The following FKBP5 variants were observed in gnomAD, a reference collection of about 807,000 sequenced individuals.
The protein encoded by FKBP5 is peptidyl-prolyl cis-trans isomerase FKBP5.
A neutral mutation model predicts 50.5 loss-of-function variants in FKBP5; 23 were observed. That is an observed-to-expected ratio of 0.46 (90% confidence interval 0.33 to 0.65). The LOEUF (loss-of-function observed/expected upper bound fraction) is 0.65. Ranked by LOEUF, FKBP5 falls within the 30% of genes least tolerant of loss-of-function variation. FKBP5 has a pLI of 0.02. For synonymous variants in FKBP5, 176 were observed against 190.6 expected (o/e 0.92, Z 0.63); for missense variants, 411 against 553.1 (o/e 0.74, Z 2.58).
At chr6:35,611,469 A>G (rs1328520241) in intron 5 of FKBP5, among the ~76,000 whole-genome samples, 1 of 152,186 alleles carries the variant, frequency 6.6e-6, no homozygotes, top group African/African-American at 2.4e-5. Context: ...TCCAACCACT[A>G]AAGTTGACAA....
intron 1 of FKBP5, among the ~76,000 whole-genome samples, chr6:35,678,255 G>A (rs1765576398): frequency 6.6e-6 from 1 of 152,038 alleles, no homozygotes; most frequent in South Asian, 2.1e-4. Context: ...GTGGGGAGGG[G>A]TCATGTTGGT....
Position 35,598,999 on chromosome 6 carries a change from T to TA in FKBP5, c.509-1596dup, listed in dbSNP as rs201053009. ...CAAAATAAATAAAAAAATAAATAAA[T>TA]AAAAATAAAAAAGAAAGAAAATCCT... On this transcript the variant is annotated intron_variant, in intron 5 of 10. Coordinates refer to ENST00000357266, the MANE Select transcript of FKBP5 (RefSeq NM_004117.4). 7.4e-3 allele frequency among the ~76,000 whole-genome samples: 1,123 copies of TA among 151,336 alleles called. 12 individuals carry two copies. Among genetic ancestry groups the TA allele is most frequent in the African/African-American group, 0.024 (970 of 41,014 alleles).
intron 1 of FKBP5, among the ~76,000 whole-genome samples, chr6:35,684,781 CT>C: frequency 6.6e-6 from 1 of 152,308 alleles, no homozygotes; most frequent in South Asian, 2.1e-4. Flanking sequence ...AATCCCAGCA[CT>C]TTGGGAGGCC....
intron 3 of FKBP5, among the ~76,000 whole-genome samples, chr6:35,631,557 T>G (rs985227016): frequency 6.6e-6 from 1 of 152,220 alleles, no homozygotes; most frequent in Admixed American, 6.5e-5. Flanking sequence ...GGGTAAACTT[T>G]ATTATACGTA....
chr6:35,642,137 A>G (rs908540450), intron 2 of FKBP5, among the ~76,000 whole-genome samples: 16 of 152,202 alleles, frequency 1.1e-4, no homozygotes, highest in Admixed American at 3.3e-4. Context: ...ACATTAAAAT[A>G]GTAACCTATT....
chr6:35,719,866 G>A (rs936890781), intron 2 of FKBP5, among the ~76,000 whole-genome samples: 6 of 152,234 alleles, frequency 3.9e-5, no homozygotes, highest in Non-Finnish European at 5.9e-5. Flanking sequence ...CTGGGAGGGG[G>A]GTTTCCGTAC....
chr6:35,600,254 A>G (rs965662276), intron 5 of FKBP5, among the ~76,000 whole-genome samples: 18 of 152,070 alleles, frequency 1.2e-4, no homozygotes, highest in African/African-American at 4.1e-4. Context: ...GAGGCTTAAG[A>G]TATTTTTACT....
intron 8 of FKBP5, chr6:35,581,609 AAAC>A: frequency 2.0e-6 from 2 of 985,352 alleles, no homozygotes; most frequent in Non-Finnish European, 2.4e-6. Context: ...AAACAAAACA[AAAC>A]AAAACAAAAC....
intron 1 of FKBP5, among the ~76,000 whole-genome samples, chr6:35,645,164 C>T (rs1764596764): frequency 6.6e-6 from 1 of 152,194 alleles, no homozygotes; most frequent in Admixed American, 6.5e-5. Flanking sequence ...CACCTATGTG[C>T]TATCCCTATC....
At chr6:35,705,867 TG>T (rs1766304301) in intron 2 of FKBP5, among the ~76,000 whole-genome samples, 1 of 152,204 alleles carries the variant, frequency 6.6e-6, no homozygotes, top group South Asian at 2.1e-4. Flanking sequence ...CCCAACACTT[TG>T]GGAGGCCCAG....
intron 5 of FKBP5, chr6:35,607,979 G>T: frequency 6.8e-6 from 1 of 147,404 alleles, no homozygotes; most frequent in Non-Finnish European, 1.5e-5. Context: ...TAGCTTGACA[G>T]ACTTGAAATA....
At chr6:35,588,556 G>T (rs1297436674) in intron 7 of FKBP5, among the ~76,000 whole-genome samples, 1 of 151,808 alleles carries the variant, frequency 6.6e-6, no homozygotes, top group Non-Finnish European at 1.5e-5. Flanking sequence ...TTCTAAGACA[G>T]GATCTTGCTC....
At chr6:35,657,890 G>T (rs1324191526) in intron 1 of FKBP5, among the ~76,000 whole-genome samples, 2 of 151,986 alleles carry the variant, frequency 1.3e-5, no homozygotes, top group Non-Finnish European at 2.9e-5. Flanking sequence ...AATACATTCA[G>T]AAATTTAGAA....
chr6:35,645,883 G>C (rs967818728), intron 1 of FKBP5, among the ~76,000 whole-genome samples: 2 of 152,210 alleles, frequency 1.3e-5, no homozygotes, highest in Non-Finnish European at 2.9e-5. Flanking sequence ...GGGAGGCTGA[G>C]GCGGGTGGGA....
rs866956169 is a variant in FKBP5 at position 35,649,267 on chromosome 6, A to C, written c.-19-6424T>G. On this transcript the variant is annotated intron_variant, in intron 1 of 10. Coordinates refer to ENST00000357266, the MANE Select transcript of FKBP5 (RefSeq NM_004117.4). ...CTCTGTCTAAAAAAAAAAAAAAAAA[A>C]AAGAATTTAGTAATAATGTTTTTTA... 5.7e-3 allele frequency among the ~76,000 whole-genome samples: 867 copies of C among 151,512 alleles called. 11 individuals carry two copies. The highest frequency in any genetic ancestry group is 0.019 in the African/African-American group (795 of 41,392).
At chr6:35,642,981 G>C in intron 1 of FKBP5, 138 bp from the exon 2 acceptor site, 2 of 597,406 alleles carry the variant, frequency 3.3e-6, no homozygotes, top group South Asian at 2.1e-5. Context: ...GAAAACAAAG[G>C]CATTTGCTAT....
intron 4 of FKBP5, among the ~76,000 whole-genome samples, chr6:35,619,566 T>C (rs1282260787): frequency 6.6e-6 from 1 of 152,224 alleles, no homozygotes; most frequent in Non-Finnish European, 1.5e-5. Flanking sequence ...CCTGGGTTTA[T>C]GGAGTTCCCT....
Position 35,668,233 on chromosome 6 carries a change from G to A in FKBP5, c.-20+20571C>T, listed in dbSNP as rs534448630. Reference sequence around the variant, plus strand: ...CGGTCTGGCCTTGCTGAGACTCCTTGTGTGAGCCCAGAGCCCACTCCCCTT... The same window carrying A: ...CGGTCTGGCCTTGCTGAGACTCCTTATGTGAGCCCAGAGCCCACTCCCCTT... On this transcript the variant is annotated intron_variant, in intron 1 of 10. Coordinates refer to ENST00000357266, the MANE Select transcript of FKBP5 (RefSeq NM_004117.4). Among the ~76,000 whole-genome samples, 13 of 152,276 alleles carry A rather than the reference G, an allele frequency of 8.5e-5. No individual in the cohort carries two copies. In the South Asian group the frequency reaches 2.7e-3, roughly 32 times the overall value.
chr6:35,722,920 A>G (rs1766638578), intron 1 of FKBP5, among the ~76,000 whole-genome samples: 1 of 152,228 alleles, frequency 6.6e-6, no homozygotes, highest in Non-Finnish European at 1.5e-5. Flanking sequence ...TGGCACACAC[A>G]CACAGTAGGT....
Sources: gnomAD v4.1 joint callset for allele counts (sites outside exome capture counted in the v4.1 genomes callset) on GRCh38, gnomAD v4.1.1 for gene constraint, MANE v1.5 for transcripts, NCBI Gene and HGNC (gene_info 2026-07-23, HGNC 2026-07-21) for gene names.